Variants in KLF13 observed in about 807,000 individuals in gnomAD.
KLF13 encodes the protein KLF transcription factor 13, also known as Krueppel-like factor 13.
KLF13 carries 8 observed loss-of-function variants against 16.7 expected under a neutral mutation model. The observed-to-expected ratio is 0.48, with a 90% CI of 0.28 to 0.87. The LOEUF (loss-of-function observed/expected upper bound fraction) is 0.87. KLF13 is among the 40% of genes least tolerant of loss of function. The pLI, the probability that KLF13 is intolerant of heterozygous loss-of-function variation, is 0.10. For missense variants in KLF13, 447 were observed against 452.2 expected, an observed-to-expected ratio of 0.99 and a Z score of 0.10; for synonymous variants, 245 against 208.4, an observed-to-expected ratio of 1.18 and a Z score of -1.51.
chr15:31,371,918 A>G, intron 1 of KLF13, 92 bp from the exon 2 acceptor site: 2 of 1,383,034 alleles, frequency 1.4e-6, no homozygotes, highest in South Asian at 2.8e-5. Context: ...GTGTTGAGAG[A>G]CCAGGGTGTT....
rs932716194 is a variant in KLF13 at position 31,372,567 on chromosome 15, C to T, written c.*268C>T. ...CTTTCTCAGGGATGGACACGTTTCA[C>T]GAGGTCAGTGAGGACACCCCTTCCT... On this transcript the variant is annotated 3_prime_UTR_variant, in exon 2 of 2. Transcript: ENST00000307145. The T allele has an allele frequency of 1.5e-5, 7 of 480,340 alleles. No individual in the cohort carries two copies. Among genetic ancestry groups the T allele is most frequent in the African/African-American group, 1.0e-4 (5 of 49,214 alleles). The allele number at this position is 480,340 out of a possible 1,614,324, so 29.8% of individuals were successfully genotyped here.
At chr15:31,378,731 C>T (rs748663620), downstream of KLF13, among the ~76,000 whole-genome samples, 11 of 152,158 alleles carry the variant, frequency 7.2e-5, no homozygotes, top group Non-Finnish European at 7.4e-5. Flanking sequence ...GACACAGTCT[C>T]GCTGTGTAGC....
intron 1 of KLF13, among the ~76,000 whole-genome samples, chr15:31,412,911 G>A (rs1201475888): frequency 6.6e-6 from 1 of 152,210 alleles, no homozygotes; most frequent in Non-Finnish European, 1.5e-5. Flanking sequence ...TTTCAGGACA[G>A]AACTGAGGAA....
chr15:31,338,851 G>A lies in KLF13; in HGVS notation c.577+11062G>A, dbSNP rs180827671. ...CTTCCTCTACTCCCCCTTGTACTGTGGGATCTGAGCATTTCTTTAACAGCC... is the reference window on the plus strand; with the variant it reads ...CTTCCTCTACTCCCCCTTGTACTGTAGGATCTGAGCATTTCTTTAACAGCC... On this transcript the variant is annotated intron_variant, in intron 1 of 1. Transcript: ENST00000307145. Among the ~76,000 whole-genome samples the A allele has an allele frequency of 3.3e-5, 5 of 152,144 alleles. No individual in the cohort carries two copies. In the East Asian group the frequency reaches 9.7e-4, roughly 29 times the overall value.
chr15:31,386,886 A>G (rs1248588743), intron 1 of KLF13, among the ~76,000 whole-genome samples: 2 of 152,254 alleles, frequency 1.3e-5, no homozygotes, highest in African/African-American at 4.8e-5. Flanking sequence ...CAAAGCCTGG[A>G]TGACAGCACG....
chr15:31,333,718 A>G (rs1431509062), intron 1 of KLF13, among the ~76,000 whole-genome samples: 2 of 152,184 alleles, frequency 1.3e-5, no homozygotes, highest in Non-Finnish European at 2.9e-5. Context: ...TTCAGGATCC[A>G]GTTAATCACA....
At chr15:31,408,832 T>C (rs572716572), downstream of KLF13, among the ~76,000 whole-genome samples, 2 of 152,020 alleles carry the variant, frequency 1.3e-5, no homozygotes, top group South Asian at 4.2e-4. Flanking sequence ...GGAAACTGTA[T>C]GAAAGAATCA....
Position 31,420,335 on chromosome 15 carries a change from G to A in KLF13, n.118-15035G>A, listed in dbSNP as rs529821593. On this transcript the variant is annotated intron_variant and non_coding_transcript_variant, in intron 1 of 1. Transcript: ENST00000558225. ...ATGGGTAGGGACCATCCATGGAGCA[G>A]CTGGCACAGTGTATGAAGACCTGAG... The A allele has an allele frequency of 1.3e-4, 139 of 1,041,090 alleles. No individual in the cohort carries two copies. In the African/African-American group the frequency reaches 1.9e-3, roughly 14 times the overall value. The allele number at this position is 1,041,090 out of a possible 1,614,324, so 64.5% of individuals were successfully genotyped here.
chr15:31,354,703 C>CT (rs1249660298), intron 1 of KLF13, among the ~76,000 whole-genome samples: 2 of 152,132 alleles, frequency 1.3e-5, no homozygotes, highest in African/African-American at 4.8e-5. Flanking sequence ...AGTTTTTAAA[C>CT]TTCTGTTTGG....
chr15:31,372,390 C>A lies in KLF13; in HGVS notation c.*91C>A, dbSNP rs2039568974. On this transcript the variant is annotated 3_prime_UTR_variant, in exon 2 of 2. Coordinates refer to ENST00000307145, the MANE Select transcript of KLF13 (RefSeq NM_015995.4). The stretch of plus-strand genomic sequence containing the variant: ...AAGAAAGAAGAGAGAGAACTTGATG[C>A]AAAGTCCACGAAAAAACAATTTTTT... 1 of 1,301,814 alleles carries A rather than the reference C, an allele frequency of 7.7e-7. No homozygotes were observed. The highest frequency in any genetic ancestry group is 9.9e-7 in the Non-Finnish European group (1 of 1,008,258). 80.6% of individuals were successfully genotyped at this position (1,301,814 alleles called of 1,614,324 possible). A position where few individuals can be genotyped will look rare whatever the true frequency, so the allele number is the denominator to read the frequency against.
intron 1 of KLF13, among the ~76,000 whole-genome samples, chr15:31,383,265 G>A (rs1040279544): frequency 6.6e-6 from 1 of 152,220 alleles, no homozygotes; most frequent in Non-Finnish European, 1.5e-5. Flanking sequence ...GGCCTGTGGG[G>A]GCGGAACATG....
At chr15:31,384,070 C>T (rs1367415141) in intron 1 of KLF13, among the ~76,000 whole-genome samples, 1 of 152,148 alleles carries the variant, frequency 6.6e-6, no homozygotes, top group Non-Finnish European at 1.5e-5. Flanking sequence ...CAAAACAGTA[C>T]AGAAGTATGA....
At chr15:31,423,101 G>GTATATGTATACGTATA (rs1188647731) in intron 1 of KLF13, among the ~76,000 whole-genome samples, 1 of 77,070 alleles carries the variant, frequency 1.3e-5, no homozygotes, top group African/African-American at 4.5e-5. Flanking sequence ...GTATATATAC[G>GTATATGTATACGTATA]TATACGTATA....
chr15:31,352,316 C>A (rs959185798), intron 1 of KLF13, among the ~76,000 whole-genome samples: 1 of 152,226 alleles, frequency 6.6e-6, no homozygotes, highest in South Asian at 2.1e-4. Context: ...CTGCAGGCCA[C>A]GCTCAGGGGT....
At chr15:31,371,768 C>T (rs2140966710) in intron 1 of KLF13, among the ~76,000 whole-genome samples, 1 of 152,350 alleles carries the variant, frequency 6.6e-6, no homozygotes, top group South Asian at 2.1e-4. Flanking sequence ...CCTGCAGCTT[C>T]AGCACCTGAA....
In KLF13 at chr15:31,327,610, C is replaced by T; in HGVS notation, c.398C>T (p.Pro133Leu). ...CCGGAGCCCGAGGCGGGGCTGGAGC[C>T]CGAGCGGGAGCCGGGGCCCGCGGGG... ...SEPEPEAGLEPEREPGPAGSG... is the reference protein window; with the variant it reads ...SEPEPEAGLELEREPGPAGSG... The change falls in exon 1 of 2, where the codon CCC becomes CTC. Residue 133 changes from proline to leucine, a missense_variant. Physicochemically the swap from Pro to Leu is moderately conservative, Grantham distance 98. This residue lies in a region of KLF13 where 359 missense variants were observed against 282.8 expected (regional missense o/e 1.27). Transcript: ENST00000307145. The T allele has an allele frequency of 7.6e-7, 1 of 1,319,880 alleles. No homozygotes were observed. The highest frequency in any genetic ancestry group is 9.8e-7 in the Non-Finnish European group (1 of 1,019,780). 81.8% of individuals were successfully genotyped at this position (1,319,880 alleles called of 1,614,324 possible).
intron 1 of KLF13, among the ~76,000 whole-genome samples, chr15:31,423,107 G>GTATACGTATA (rs1374809943): frequency 1.1e-4 from 3 of 26,394 alleles, no homozygotes; most frequent in Non-Finnish European, 1.4e-4. Context: ...ATACGTATAC[G>GTATACGTATA]TATACGTATA....
intron 1 of KLF13, among the ~76,000 whole-genome samples, chr15:31,425,858 C>G (rs369925980): frequency 6.6e-6 from 1 of 152,160 alleles, no homozygotes; most frequent in Non-Finnish European, 1.5e-5. Context: ...GCCTGGCCAA[C>G]AAGAGTGAAA....
At chr15:31,422,481 A>C (rs2040340555) in intron 1 of KLF13, among the ~76,000 whole-genome samples, 2 of 147,484 alleles carry the variant, frequency 1.4e-5, no homozygotes, top group Non-Finnish European at 3.0e-5. Flanking sequence ...TTACCATGAG[A>C]ATATGGGGGA....
Sources: allele counts gnomAD v4.1 joint callset (sites outside exome capture counted in the v4.1 genomes callset), GRCh38; gene constraint gnomAD v4.1.1; regional missense constraint gnomAD v4.1.1; transcripts MANE v1.5; gene names NCBI Gene and HGNC (gene_info 2026-07-23, HGNC 2026-07-21).